CXADR: variants seen among roughly 807,000 people sequenced by gnomAD.
CXADR encodes coxsackievirus and adenovirus receptor.
A neutral mutation model predicts 40.3 loss-of-function variants in CXADR; 20 were observed. That is an observed-to-expected ratio of 0.50 (90% CI 0.35 to 0.72). CXADR has a LOEUF of 0.72. Ranked by LOEUF, CXADR falls within the 30% of genes least tolerant of loss-of-function variation. CXADR has a pLI of 0.01. For synonymous variants in CXADR, 150 were observed against 161.3 expected (o/e 0.93, Z 0.53); for missense variants, 332 against 449.1 (o/e 0.74, Z 2.36).
At chr21:17,537,852 G>A (rs1159238263) in intron 1 of CXADR, among the ~76,000 whole-genome samples, 1 of 152,076 alleles carries the variant, frequency 6.6e-6, no homozygotes, top group African/African-American at 2.4e-5. Flanking sequence ...GAGGGTGAGC[G>A]CAGTTTCAGT....
chr21:17,548,366 C>T (rs953854452), intron 2 of CXADR, among the ~76,000 whole-genome samples: 3 of 152,156 alleles, frequency 2.0e-5, no homozygotes, highest in African/African-American at 7.2e-5. Context: ...AAGATGTAAC[C>T]TCTGCCCTGA....
intron 1 of CXADR, among the ~76,000 whole-genome samples, chr21:17,529,507 G>C (rs867077370): frequency 1.3e-5 from 2 of 152,298 alleles, no homozygotes; most frequent in South Asian, 4.1e-4. Context: ...TTTTAATAGA[G>C]ATAGGGTTTT....
the CXADR span, among the ~76,000 whole-genome samples, chr21:17,632,815 G>A: frequency 1.3e-5 from 2 of 152,104 alleles, no homozygotes; most frequent in African/African-American, 4.8e-5. Context: ...CTTGCAGTGA[G>A]CTGAGATCGC....
chr21:17,586,605 CCTA>C (rs1280541906), intron 7 of CXADR, among the ~76,000 whole-genome samples: 2 of 151,342 alleles, frequency 1.3e-5, no homozygotes, highest in Non-Finnish European at 2.9e-5. Context: ...TCTCAGTACT[CCTA>C]TAGTTTCATA....
intron 7 of CXADR, among the ~76,000 whole-genome samples, chr21:17,581,847 CAA>C (rs35923110): frequency 7.7e-4 from 111 of 144,016 alleles, no homozygotes; most frequent in Non-Finnish European, 7.0e-4. Context: ...GACTCTGTCT[CAA>C]AAAAAAAAAA....
chr21:17,553,220 A>G (rs2060991641), intron 3 of CXADR, among the ~76,000 whole-genome samples: 1 of 152,180 alleles, frequency 6.6e-6, no homozygotes, highest in African/African-American at 2.4e-5. Context: ...TTAGGAGAGC[A>G]ATGTTCAAGA....
downstream of CXADR, chr21:17,593,900 C>G: frequency 1.4e-6 from 1 of 698,448 alleles, no homozygotes; most frequent in Non-Finnish European, 2.2e-6. Context: ...AATAAAATTT[C>G]TCAAACTATA....
chr21:17,524,258 C>T (rs1300039676), intron 1 of CXADR, among the ~76,000 whole-genome samples: 2 of 151,836 alleles, frequency 1.3e-5, no homozygotes, highest in African/African-American at 4.8e-5. Flanking sequence ...CTCACCCATT[C>T]TTTTTTCAGT....
chr21:17,594,238 T>C (rs750514745), downstream of CXADR: 24 of 1,613,260 alleles, frequency 1.5e-5, no homozygotes, highest in South Asian at 5.5e-5. Flanking sequence ...AGGAGGAGGA[T>C]AGTGATTCTG....
chr21:17,560,311 T>C (rs1185795116), intron 4 of CXADR, among the ~76,000 whole-genome samples: 1 of 152,186 alleles, frequency 6.6e-6, no homozygotes. Context: ...TGACTTCCTT[T>C]TGTATGTTTC....
At chr21:17,588,694 T>C (rs2061414469) in intron 7 of CXADR, among the ~76,000 whole-genome samples, 1 of 152,174 alleles carries the variant, frequency 6.6e-6, no homozygotes, top group Admixed American at 6.6e-5. Flanking sequence ...TCCTATGTTA[T>C]ACTTCAGAGT....
At chr21:17,531,667 G>A (rs1486520402) in intron 1 of CXADR, among the ~76,000 whole-genome samples, 2 of 152,116 alleles carry the variant, frequency 1.3e-5, no homozygotes, top group African/African-American at 4.8e-5. Flanking sequence ...AGTTAATATT[G>A]TAGTCCCCGT....
At chr21:17,516,551 T>G (rs1412005192) in intron 1 of CXADR, among the ~76,000 whole-genome samples, 5 of 152,286 alleles carry the variant, frequency 3.3e-5, no homozygotes, top group South Asian at 2.1e-4. Flanking sequence ...TGGGGTGGTG[T>G]TCTTCAATTG....
rs1374333761 is a variant in CXADR, at chr21:17,567,879, CAT to C, written c.*2190_*2191del. On this transcript the variant is annotated 3_prime_UTR_variant, in exon 7 of 7. Coordinates refer to ENST00000284878, the MANE Select transcript of CXADR (RefSeq NM_001338.5). ...TTTCCTTCCTTTTTTTTTTTAATAA[CAT>C]ATGAGGAACAAGACTTCTCTTCCCA... 2.1e-5 allele frequency: 20 copies of C among 958,080 alleles called. No homozygotes were observed. The East Asian group carries it at 7.0e-4, about 34-fold the overall frequency. The allele number at this position is 958,080 out of a possible 1,614,324, so 59.3% of individuals were successfully genotyped here. A position where few individuals can be genotyped will look rare whatever the true frequency, so the allele number is the denominator to read the frequency against.
the CXADR span, among the ~76,000 whole-genome samples, chr21:17,627,817 A>G: frequency 1.3e-5 from 2 of 152,326 alleles, no homozygotes; most frequent in South Asian, 4.1e-4. Context: ...AACTTTGTGG[A>G]CCATGATGAG....
At chr21:17,573,305 G>C (rs1045479016), downstream of CXADR, among the ~76,000 whole-genome samples, 2 of 152,096 alleles carry the variant, frequency 1.3e-5, no homozygotes, top group African/African-American at 4.8e-5. Context: ...AGATTCTAGG[G>C]AATCTGAGAC....
intron 2 of CXADR, among the ~76,000 whole-genome samples, chr21:17,548,549 G>A (rs2060927455): frequency 6.6e-6 from 1 of 152,208 alleles, no homozygotes; most frequent in Non-Finnish European, 1.5e-5. Flanking sequence ...CTGAGGTCCT[G>A]CAGTTCCCCG....
At chr21:17,518,764 A>G (rs950042303) in intron 1 of CXADR, 35 of 1,586,068 alleles carry the variant, frequency 2.2e-5, no homozygotes, top group Non-Finnish European at 2.9e-5. Flanking sequence ...GTTAGCAGAA[A>G]GGGAAGCTTG....
intron 1 of CXADR, among the ~76,000 whole-genome samples, chr21:17,518,011 A>G (rs533739880): frequency 1.3e-5 from 2 of 152,332 alleles, no homozygotes; most frequent in South Asian, 2.1e-4. Flanking sequence ...TATGAAAAAT[A>G]TGATAGTTAA....
Sources: gnomAD v4.1 joint callset for allele counts (sites outside exome capture counted in the v4.1 genomes callset) on GRCh38, gnomAD v4.1.1 for gene constraint, MANE v1.5 for transcripts, NCBI Gene and HGNC (gene_info 2026-07-23, HGNC 2026-07-21) for gene names.